The following JAM2 variants were observed in gnomAD, a reference collection of about 807,000 sequenced individuals.
JAM2 encodes the protein junctional adhesion molecule 2.
JAM2 carries 17 observed loss-of-function variants against 42.0 expected under a neutral mutation model. The ratio of observed to expected loss-of-function variants is 0.40; its 90% CI spans 0.28 to 0.61. The LOEUF is 0.61. Ranked by LOEUF, JAM2 falls within the 20% of genes least tolerant of loss-of-function variation. JAM2 has a pLI of 0.37. For missense variants in JAM2, 319 were observed against 358.3 expected (o/e 0.89, Z 0.89); for synonymous variants, 118 against 128.6 (o/e 0.92, Z 0.56).
chr21:25,665,151 A>G (rs550672258), intron 1 of JAM2, among the ~76,000 whole-genome samples: 3 of 152,250 alleles, frequency 2.0e-5, no homozygotes, highest in African/African-American at 7.2e-5. Context: ...AATAGGGAGG[A>G]GACAGCACTC....
intron 9 of JAM2, 61 bp from the exon 10 acceptor site, chr21:25,714,579 A>T (rs933704520): frequency 9.8e-7 from 1 of 1,021,436 alleles, no homozygotes; most frequent in African/African-American, 1.7e-5. Context: ...TATTCATAAG[A>T]TTTATGTTTC....
chr21:25,671,022 TTA>T (rs776616759), intron 1 of JAM2, among the ~76,000 whole-genome samples: 1 of 152,206 alleles, frequency 6.6e-6, no homozygotes, highest in Non-Finnish European at 1.5e-5. Context: ...GGCCAAGATT[TTA>T]TGAGTCATCT....
In JAM2 at chr21:25,639,462, TG is replaced by T. The variant is rs1368773357; in HGVS notation, c.-355del. On this transcript the variant is annotated 5_prime_UTR_variant, in exon 1 of 10. Transcript: ENST00000480456. ...ACAAAGCCGATCAATCCCGGAGGCGTGGGGGCGGAGGGACGACCCGCCGGGG... is the reference window on the plus strand; with the variant it reads ...ACAAAGCCGATCAATCCCGGAGGCGTGGGGCGGAGGGACGACCCGCCGGGG... The T allele has an allele frequency of 5.4e-6, 1 of 186,602 alleles. No individual in the cohort carries two copies. Among genetic ancestry groups the T allele is most frequent in the Admixed American group, 6.2e-5 (1 of 16,114 alleles). The allele number at this position is 186,602 out of a possible 1,614,324, so 11.6% of individuals were successfully genotyped here.
intron 8 of JAM2, among the ~76,000 whole-genome samples, chr21:25,711,187 G>T (rs928107324): frequency 1.3e-5 from 2 of 152,176 alleles, no homozygotes; most frequent in African/African-American, 4.8e-5. Context: ...TTTAATATTT[G>T]ATATGCTTAT....
Position 25,714,921 on chromosome 21 carries a change from G to T in JAM2, c.*249G>T. On this transcript the variant is annotated 3_prime_UTR_variant, in exon 10 of 10. Transcript: ENST00000480456. ...TAAAAGAATTAAAATACTTTGTAAT[G>T]TCCTGGGCTTTGGGAAATGTTAACC... 1 of 341,188 alleles carries T rather than the reference G, an allele frequency of 2.9e-6. No homozygotes were observed. The allele number at this position is 341,188 out of a possible 1,614,324, so 21.1% of individuals were successfully genotyped here.
intron 1 of JAM2, among the ~76,000 whole-genome samples, chr21:25,655,647 ATTTTTTTT>A (rs536746237): frequency 3.3e-5 from 3 of 90,782 alleles, no homozygotes; most frequent in Admixed American, 1.4e-4. Flanking sequence ...CGCCCAGCTA[ATTTTTTTT>A]TTTTTTTTTT....
chr21:25,710,934 G>T (rs547728186), intron 8 of JAM2, among the ~76,000 whole-genome samples: 1 of 152,366 alleles, frequency 6.6e-6, no homozygotes, highest in East Asian at 1.9e-4. Flanking sequence ...TGAGGCAAGA[G>T]AAAATGGTGG....
chr21:25,648,997 C>T (rs147056974), intron 1 of JAM2, among the ~76,000 whole-genome samples: 1,661 of 152,298 alleles, frequency 0.011, 14 homozygotes, highest in Middle Eastern at 0.02. Context: ...AAACTCCCTC[C>T]TCCTCTTTTT....
rs2032375471 is a variant in JAM2, at chr21:25,639,828, AG to A, written c.9del (p.Arg4GlyfsTer34). 6.3e-7 allele frequency: 1 copy of A among 1,584,462 alleles called. No homozygotes were observed. Among genetic ancestry groups the A allele is most frequent in the Non-Finnish European group, 8.6e-7 (1 of 1,168,264 alleles). MA[R>X]RSRHRLLLLL... ...CGGCTGCCGCCCCGGGAAGATGGCG[AG>A]GAGGAGCCGCCACCGCCTCCTCCTG... On this transcript the variant is annotated frameshift_variant, in exon 1 of 10. Coordinates refer to ENST00000480456, the MANE Select transcript of JAM2 (RefSeq NM_021219.4). LOFTEE classifies it high-confidence loss of function.
intron 2 of JAM2, among the ~76,000 whole-genome samples, chr21:25,684,673 C>T (rs1172080429): frequency 2.0e-5 from 3 of 152,186 alleles, no homozygotes; most frequent in South Asian, 2.1e-4. Context: ...GGCATGATCT[C>T]GGCTCACCGC....
chr21:25,671,480 T>G (rs900875938), intron 1 of JAM2, among the ~76,000 whole-genome samples: 4 of 152,134 alleles, frequency 2.6e-5, no homozygotes, highest in African/African-American at 9.6e-5. Context: ...ATATACAACC[T>G]ATTTTAGAAA....
At chr21:25,708,730 C>A (rs1484819888) in intron 7 of JAM2, among the ~76,000 whole-genome samples, 4 of 152,038 alleles carry the variant, frequency 2.6e-5, no homozygotes, top group Non-Finnish European at 5.9e-5. Flanking sequence ...CTCTTGTCAT[C>A]TTTATCTATA....
intron 1 of JAM2, among the ~76,000 whole-genome samples, chr21:25,642,620 C>T (rs997854781): frequency 7.9e-5 from 12 of 152,098 alleles, no homozygotes; most frequent in Non-Finnish European, 1.5e-4. Flanking sequence ...GTTATTTAAA[C>T]GATGATGTCA....
intron 2 of JAM2, among the ~76,000 whole-genome samples, chr21:25,684,547 T>C (rs2033707452): frequency 6.6e-6 from 1 of 152,200 alleles, no homozygotes; most frequent in South Asian, 2.1e-4. Context: ...CAAAAGAAAC[T>C]AGTAACCTAT....
intron 1 of JAM2, among the ~76,000 whole-genome samples, chr21:25,683,338 GA>G (rs909433655): frequency 5.3e-5 from 8 of 151,780 alleles, no homozygotes; most frequent in Non-Finnish European, 1.0e-4. Flanking sequence ...ATGTTTTGGG[GA>G]AAAAAATAAA....
intron 1 of JAM2, among the ~76,000 whole-genome samples, 172 bp from the exon 2 acceptor site, chr21:25,683,711 G>A (rs2033688069): frequency 6.6e-6 from 1 of 152,094 alleles, no homozygotes; most frequent in Non-Finnish European, 1.5e-5. Flanking sequence ...AAATAAACAT[G>A]TATAGTTTCA....
intron 2 of JAM2, among the ~76,000 whole-genome samples, chr21:25,685,954 T>A (rs1327070943): frequency 6.6e-6 from 1 of 152,238 alleles, no homozygotes; most frequent in African/African-American, 2.4e-5. Flanking sequence ...ATATCTGAGT[T>A]AGGACATCAA....
chr21:25,651,637 G>C (rs2032784879), intron 1 of JAM2, among the ~76,000 whole-genome samples: 1 of 152,190 alleles, frequency 6.6e-6, no homozygotes, highest in African/African-American at 2.4e-5. Flanking sequence ...TGTTAAAGCT[G>C]TAGTTGCAAA....
At chr21:25,646,572 GA>G (rs148255255) in intron 1 of JAM2, among the ~76,000 whole-genome samples, 6,488 of 152,024 alleles carry the variant, frequency 0.043, 187 homozygotes, top group Middle Eastern at 0.082. Flanking sequence ...GGTGTGGGGG[GA>G]AAGAGAGAGA....
Sources: gnomAD v4.1 joint callset for allele counts (sites outside exome capture counted in the v4.1 genomes callset) on GRCh38, gnomAD v4.1.1 for gene constraint, MANE v1.5 for transcripts, NCBI Gene and HGNC (gene_info 2026-07-23, HGNC 2026-07-21) for gene names.